The following ADAMTS2 variants were observed in gnomAD, a reference collection of about 807,000 sequenced individuals.
ADAMTS2 encodes ADAM metallopeptidase with thrombospondin type 1 motif 2.
ADAMTS2 carries 50 observed loss-of-function variants against 123.0 expected under a neutral mutation model. The ratio of observed to expected loss-of-function variants is 0.41; its 90% CI spans 0.32 to 0.51. The LOEUF is 0.51. ADAMTS2 is among the 20% of genes least tolerant of loss of function. The probability of loss-of-function intolerance (pLI) is 0.35; values close to 1 mark genes in which losing one functional copy is unlikely to be tolerated. For synonymous variants in ADAMTS2, 678 were observed against 695.4 expected (o/e 0.98, Z 0.39); for missense variants, 1,494 against 1,705.2 (o/e 0.88, Z 2.18).
At chr5:179,325,175 C>A (rs138460910) in intron 2 of ADAMTS2, among the ~76,000 whole-genome samples, 118 of 152,256 alleles carry the variant, frequency 7.8e-4, no homozygotes, top group African/African-American at 2.6e-3. Flanking sequence ...CTGTCCCAGG[C>A]CCACAGGATG....
chr5:179,300,635 C>A (rs1332849217), intron 2 of ADAMTS2, among the ~76,000 whole-genome samples: 1 of 152,158 alleles, frequency 6.6e-6, no homozygotes, highest in Non-Finnish European at 1.5e-5. Context: ...TAGCAGTAAG[C>A]ATGAGGACTT....
chr5:179,287,605 G>A (rs1407109181), intron 2 of ADAMTS2, among the ~76,000 whole-genome samples: 2 of 81,358 alleles, frequency 2.5e-5, no homozygotes, highest in African/African-American at 5.9e-5. Flanking sequence ...TTGGAAGACG[G>A]GGTATGCAAT....
At chr5:179,327,099 C>T (rs868769656) in intron 2 of ADAMTS2, among the ~76,000 whole-genome samples, 38 of 152,148 alleles carry the variant, frequency 2.5e-4, no homozygotes, top group African/African-American at 8.7e-4. Flanking sequence ...CACATAGGCC[C>T]GGCAGATTTC....
At chr5:179,295,245 G>T (rs1055891885) in intron 2 of ADAMTS2, among the ~76,000 whole-genome samples, 7 of 152,176 alleles carry the variant, frequency 4.6e-5, no homozygotes, top group Admixed American at 6.5e-5. Context: ...GCGGGTCTCT[G>T]TTGGGCTCCC....
chr5:179,189,890 G>A lies in ADAMTS2; in HGVS notation c.892-8735C>T, dbSNP rs1412904625. On this transcript the variant is annotated intron_variant, in intron 4 of 21. Coordinates refer to ENST00000251582, the MANE Select transcript of ADAMTS2 (RefSeq NM_014244.5). This position sits in a 1 kb window ranked among gnomAD's most constrained non-coding sequence, Gnocchi z 4.2. ...GTATCATACAAAGTAGATTCACAAG[G>A]GCGGGTCCGGCGGGGGCGGGTGGCA... 4.0e-5 allele frequency among the ~76,000 whole-genome samples: 6 copies of A among 151,740 alleles called. No homozygotes were observed. Among genetic ancestry groups the A allele is most frequent in the Non-Finnish European group, 7.4e-5 (5 of 67,986 alleles).
chr5:179,148,207 C>T (rs1186470539), intron 10 of ADAMTS2, among the ~76,000 whole-genome samples: 1 of 152,106 alleles, frequency 6.6e-6, no homozygotes, highest in Admixed American at 6.5e-5. Context: ...ACTCCCTTCC[C>T]TCCCTGCCCC....
chr5:179,143,836 T>C (rs1763212125), intron 10 of ADAMTS2, among the ~76,000 whole-genome samples: 2 of 152,216 alleles, frequency 1.3e-5, no homozygotes, highest in African/African-American at 4.8e-5. Flanking sequence ...ATTCCATTAA[T>C]TTTTATCTGA....
intron 2 of ADAMTS2, among the ~76,000 whole-genome samples, chr5:179,297,998 C>G (rs1163677883): frequency 6.6e-6 from 1 of 152,076 alleles, no homozygotes; most frequent in Non-Finnish European, 1.5e-5. Context: ...TCCCTCCTCC[C>G]CAGGGCCCCG....
chr5:179,260,932 G>A lies in ADAMTS2; in HGVS notation c.688+11979C>T, dbSNP rs1396635335. ...TACCGTGCCTATTAAATGACACCATGAAGAGTGCCCACCTTCGCGCAGGCC... is the reference window on the plus strand; with the variant it reads ...TACCGTGCCTATTAAATGACACCATAAAGAGTGCCCACCTTCGCGCAGGCC... On this transcript the variant is annotated intron_variant, in intron 3 of 21. Coordinates refer to ENST00000251582, the MANE Select transcript of ADAMTS2 (RefSeq NM_014244.5). The surrounding 1 kb of genome is among the most constrained non-coding windows in gnomAD (Gnocchi z 4.2). Among the ~76,000 whole-genome samples the A allele has an allele frequency of 6.6e-6, 1 of 152,100 alleles. No individual in the cohort carries two copies. Among genetic ancestry groups the A allele is most frequent in the Non-Finnish European group, 1.5e-5 (1 of 68,030 alleles).
At position 179,158,665 on chromosome 5, in the gene ADAMTS2, T is replaced by C. The variant is rs1157720268; in HGVS notation, c.1132+58A>G. ...GCCAAGGCTCCCGGGGCCCCTTGCATGGCCAGGGGCTCATTTCCAGCTTCA... is the reference window on the plus strand; with the variant it reads ...GCCAAGGCTCCCGGGGCCCCTTGCACGGCCAGGGGCTCATTTCCAGCTTCA... On this transcript the variant is annotated intron_variant, in intron 6 of 21. Coordinates refer to ENST00000251582, the MANE Select transcript of ADAMTS2 (RefSeq NM_014244.5). This position sits in a 1 kb window ranked among gnomAD's most constrained non-coding sequence, Gnocchi z 5.0. The C allele has an allele frequency of 6.2e-7, 1 of 1,611,982 alleles. No individual in the cohort carries two copies. Among genetic ancestry groups the C allele is most frequent in the South Asian group, 1.1e-5 (1 of 91,028 alleles).
At chr5:179,289,124 G>A (rs1756111834) in intron 2 of ADAMTS2, among the ~76,000 whole-genome samples, 1 of 152,028 alleles carries the variant, frequency 6.6e-6, no homozygotes, top group Non-Finnish European at 1.5e-5. Context: ...CCTCCTGCAG[G>A]GCTCTGCTCA....
At chr5:179,315,302 T>TCTGGAAAGCACTGAGGCCACAGTTGGCTC (rs1756960207) in intron 2 of ADAMTS2, among the ~76,000 whole-genome samples, 1 of 152,182 alleles carries the variant, frequency 6.6e-6, no homozygotes, top group Non-Finnish European at 1.5e-5. Context: ...ACAGTTGGCT[T>TCTGGAAAGCACTGAGGCCACAGTTGGCTC]CTGGAAAGCA....
rs1762698951 is a variant in ADAMTS2 at position 179,118,324 on chromosome 5, T to C, written c.3178+3337A>G. ...TATCATCACGGACCACAGAGAAGAG[T>C]GATGCACCTGAGGTAATGACTGGCG... On this transcript the variant is annotated intron_variant, in intron 21 of 21. Transcript: ENST00000251582. This position sits in a 1 kb window ranked among gnomAD's most constrained non-coding sequence, Gnocchi z 4.5. 6.7e-6 allele frequency among the ~76,000 whole-genome samples: 1 copy of C among 149,172 alleles called. No homozygotes were observed. Among genetic ancestry groups the C allele is most frequent in the Non-Finnish European group, 1.5e-5 (1 of 66,916 alleles).
At chr5:179,119,201 T>C (rs1762711606) in intron 21 of ADAMTS2, among the ~76,000 whole-genome samples, 1 of 152,208 alleles carries the variant, frequency 6.6e-6, no homozygotes. Flanking sequence ...CAATTTTCCC[T>C]GATGCTTCTT....
chr5:179,135,758 G>A, intron 13 of ADAMTS2, 151 bp downstream of exon 13: 1 of 1,232,732 alleles, frequency 8.1e-7, no homozygotes, highest in Admixed American at 2.0e-5. Context: ...ACAGACATTT[G>A]CCAAGAGCCT....
chr5:179,208,356 C>T (rs184021271), intron 3 of ADAMTS2, among the ~76,000 whole-genome samples: 1 of 152,338 alleles, frequency 6.6e-6, no homozygotes, highest in Non-Finnish European at 1.5e-5. Flanking sequence ...AGCGAGGCCC[C>T]ACATCTCTGG....
intron 3 of ADAMTS2, among the ~76,000 whole-genome samples, chr5:179,220,948 G>A (rs957363029): frequency 1.3e-5 from 2 of 152,092 alleles, no homozygotes; most frequent in South Asian, 2.1e-4. Context: ...TCTCCTACCC[G>A]GCCATGAGCC....
chr5:179,217,346 A>G (rs1310187764), intron 3 of ADAMTS2, among the ~76,000 whole-genome samples: 1 of 152,264 alleles, frequency 6.6e-6, no homozygotes, highest in Admixed American at 6.5e-5. Flanking sequence ...GCAAAAATGT[A>G]CACTAAGGAA....
intron 3 of ADAMTS2, among the ~76,000 whole-genome samples, chr5:179,219,074 C>T (rs550674231): frequency 1.3e-5 from 2 of 152,302 alleles, no homozygotes; most frequent in Admixed American, 6.5e-5. Flanking sequence ...TCCCACTGCA[C>T]CCCAGCTCCA....
Sources: gnomAD v4.1 joint callset for allele counts (sites outside exome capture counted in the v4.1 genomes callset) on GRCh38, gnomAD v4.1.1 for gene constraint, Gnocchi (gnomAD v3.1) non-coding constraint, MANE v1.5 for transcripts, NCBI Gene and HGNC (gene_info 2026-07-23, HGNC 2026-07-21) for gene names.